CFHR4: variants seen among roughly 807,000 people sequenced by gnomAD.
CFHR4 encodes complement factor H related 4.
A neutral mutation model predicts 69.3 loss-of-function variants in CFHR4; 64 were observed. That is an observed-to-expected ratio of 0.92 (90% confidence interval 0.76 to 1.14). The LOEUF is 1.14. Among genes scored for constraint, CFHR4 ranks in the 50% most tolerant of loss-of-function variants. The pLI is 0.00. For synonymous variants in CFHR4, 244 were observed against 237.0 expected (o/e 1.03, Z -0.27); for missense variants, 636 against 684.9 (o/e 0.93, Z 0.80).
In CFHR4 at chr1:196,914,492, C is replaced by G; in HGVS notation, c.1181-3C>G. 1 of 1,603,476 alleles carries G rather than the reference C, an allele frequency of 6.2e-7. No individual in the cohort carries two copies. The highest frequency in any genetic ancestry group is 8.5e-7 in the Non-Finnish European group (1 of 1,175,416). ...AGCAATCCTCAATTTTATTTTGTTTCAGAATTTTGTGATATGCCTGTTTTT... is the reference window on the plus strand; with the variant it reads ...AGCAATCCTCAATTTTATTTTGTTTGAGAATTTTGTGATATGCCTGTTTTT... On this transcript the variant is annotated splice_region_variant and splice_polypyrimidine_tract_variant and intron_variant, in intron 7 of 9. Transcript: ENST00000608469.
In CFHR4 at chr1:196,899,289, A is replaced by G. The variant is rs147637067; in HGVS notation, c.59-3129A>G. On this transcript the variant is annotated intron_variant, in intron 1 of 9. Transcript: ENST00000608469. Reference sequence around the variant, plus strand: ...CTTAAAGTGGATAGTCCATGACAGAAAAATGTTCTTTCCTCTTCTTTTTAA... The same window carrying G: ...CTTAAAGTGGATAGTCCATGACAGAGAAATGTTCTTTCCTCTTCTTTTTAA... 3.6e-3 allele frequency among the ~76,000 whole-genome samples: 541 copies of G among 151,456 alleles called. 19 individuals carry two copies. The highest frequency in any genetic ancestry group is 0.013 in the African/African-American group (518 of 41,094).
At chr1:196,903,002 C>T (rs763139536) in intron 2 of CFHR4, among the ~76,000 whole-genome samples, 5 of 151,280 alleles carry the variant, frequency 3.3e-5, no homozygotes, top group African/African-American at 9.8e-5. Context: ...TGATCAAATT[C>T]ATGTCTCTAA....
chr1:196,893,065 C>A lies in CFHR4; in HGVS notation c.58+4857C>A, dbSNP rs78389064. Among the ~76,000 whole-genome samples the A allele has an allele frequency of 3.2e-3, 485 of 151,750 alleles. 24 individuals are homozygous for A. The highest frequency in any genetic ancestry group is 0.011 in the African/African-American group (474 of 41,252). ...TTCAGTGTCAACAAATTAATCTCCA[C>A]TGCGTGGTTCACCCACCAAATAGCA... is the stretch of plus-strand genomic sequence containing the variant. On this transcript the variant is annotated intron_variant, in intron 1 of 9. Coordinates refer to ENST00000608469, the MANE Select transcript of CFHR4 (RefSeq NM_001201550.3).
At chr1:196,888,933 A>G (rs1656877362) in intron 1 of CFHR4, among the ~76,000 whole-genome samples, 1 of 151,226 alleles carries the variant, frequency 6.6e-6, no homozygotes, top group Non-Finnish European at 1.5e-5. Context: ...ATAGTCATGT[A>G]TTTTCTATAT....
chr1:196,905,536 G>A (rs1176772733), intron 3 of CFHR4, among the ~76,000 whole-genome samples: 1 of 151,358 alleles, frequency 6.6e-6, no homozygotes, highest in Non-Finnish European at 1.5e-5. Context: ...AATCCCATCA[G>A]GTACAGACTA....
intron 1 of CFHR4, among the ~76,000 whole-genome samples, chr1:196,888,917 T>C (rs1656876027): frequency 6.6e-6 from 1 of 151,434 alleles, no homozygotes. Flanking sequence ...ATATGTTTTC[T>C]CCTCGATAGT....
chr1:196,905,644 T>A (rs1227101269), intron 3 of CFHR4, among the ~76,000 whole-genome samples: 2 of 151,484 alleles, frequency 1.3e-5, no homozygotes, highest in African/African-American at 4.9e-5. Context: ...ATCAACTGCT[T>A]GTATTGTATT....
chr1:196,917,784 A>G (rs187472129), intron 9 of CFHR4, among the ~76,000 whole-genome samples: 2 of 151,828 alleles, frequency 1.3e-5, no homozygotes, highest in African/African-American at 4.8e-5. Context: ...AAATATAAAC[A>G]TAGAATTAAA....
At chr1:196,899,587 T>G (rs1657488974) in intron 1 of CFHR4, among the ~76,000 whole-genome samples, 1 of 151,574 alleles carries the variant, frequency 6.6e-6, no homozygotes. Flanking sequence ...CAAACCCAGA[T>G]GAATTGTCAA....
At position 196,910,277 on chromosome 1, in the gene CFHR4, C is replaced by T; in HGVS notation, c.800-4C>T. 1.3e-6 allele frequency: 2 copies of T among 1,553,520 alleles called. No individual in the cohort carries two copies. Among genetic ancestry groups the T allele is most frequent in the Non-Finnish European group, 1.7e-6 (2 of 1,144,326 alleles). On this transcript the variant is annotated splice_polypyrimidine_tract_variant and splice_region_variant and intron_variant, in intron 5 of 9. Coordinates refer to ENST00000608469, the MANE Select transcript of CFHR4 (RefSeq NM_001201550.3). ...TTTATACTATTTTTGTTTTTTGTTA[C>T]AAGCAATGAAACCTTGTGAGTTTCC...
At chr1:196,900,499 G>A (rs1170032784) in intron 1 of CFHR4, among the ~76,000 whole-genome samples, 1 of 151,158 alleles carries the variant, frequency 6.6e-6, no homozygotes, top group Non-Finnish European at 1.5e-5. Context: ...AGCAGACTAT[G>A]TTATTTACAT....
Position 196,902,590 on chromosome 1 carries a change from T to G in CFHR4, c.231T>G (p.Gly77=), listed in dbSNP as rs759827628. Residue 77 remains glycine, a synonymous_variant, in exon 2 of 10, where the codon GGT becomes GGG. Coordinates refer to ENST00000608469, the MANE Select transcript of CFHR4 (RefSeq NM_001201550.3). ...ATTACATTCATTGCACACAAGATGGTTGGTCACCAACGGTCCCATGCCTCA... is the reference window on the plus strand; with the variant it reads ...ATTACATTCATTGCACACAAGATGGGTGGTCACCAACGGTCCCATGCCTCA... The part of the protein sequence containing the change: ...YWDYIHCTQD[G]WSPTVPCLRT... The G allele has an allele frequency of 6.2e-7, 1 of 1,612,160 alleles. No individual in the cohort carries two copies. Among genetic ancestry groups the G allele is most frequent in the Non-Finnish European group, 8.5e-7 (1 of 1,179,134 alleles).
intron 7 of CFHR4, among the ~76,000 whole-genome samples, chr1:196,914,115 A>G (rs1277650236): frequency 6.6e-6 from 1 of 151,412 alleles, no homozygotes; most frequent in Non-Finnish European, 1.5e-5. Flanking sequence ...AAATCGTTAC[A>G]TAACTACATA....
chr1:196,888,677 T>G lies in CFHR4; in HGVS notation c.58+469T>G, dbSNP rs1358015954. ...TAAATTATGCCATTTCTTATATTTC[T>G]ATTATACCTTAAGAAAGCTGCTACA... is the stretch of plus-strand genomic sequence containing the variant. On this transcript the variant is annotated intron_variant, in intron 1 of 9. Coordinates refer to ENST00000608469, the MANE Select transcript of CFHR4 (RefSeq NM_001201550.3). 1.3e-5 allele frequency among the ~76,000 whole-genome samples: 2 copies of G among 151,308 alleles called. 1 individual carries two copies. Among genetic ancestry groups the G allele is most frequent in the African/African-American group, 4.9e-5 (2 of 41,044 alleles).
chr1:196,898,608 G>GTATA (rs1414088122), intron 1 of CFHR4, among the ~76,000 whole-genome samples: 1 of 151,534 alleles, frequency 6.6e-6, no homozygotes, highest in Non-Finnish European at 1.5e-5. Context: ...CTAAAGCCTA[G>GTATA]TATATTAGTT....
chr1:196,895,206 C>A (rs1657231259), intron 1 of CFHR4, among the ~76,000 whole-genome samples: 1 of 151,502 alleles, frequency 6.6e-6, no homozygotes, highest in Non-Finnish European at 1.5e-5. Context: ...GCACTCCTCC[C>A]TGGGTGACAG....
chr1:196,904,794 G>A (rs1657819033), intron 2 of CFHR4, among the ~76,000 whole-genome samples: 1 of 151,582 alleles, frequency 6.6e-6, no homozygotes, highest in Non-Finnish European at 1.5e-5. Flanking sequence ...AAAGGTTCAG[G>A]TTATTGCAAA....
Position 196,903,097 on chromosome 1 carries a change from C to T in CFHR4, c.256+482C>T, listed in dbSNP as rs1008284762. Among the ~76,000 whole-genome samples the T allele has an allele frequency of 6.6e-5, 10 of 151,268 alleles. 1 individual carries two copies. The highest frequency in any genetic ancestry group is 2.6e-4 in the Admixed American group (4 of 15,168). Reference sequence around the variant, plus strand: ...GGATATAATAAAAAATATGGAAGAACGTATTTACAGCTGGTCTCCTCCTCC... The same window carrying T: ...GGATATAATAAAAAATATGGAAGAATGTATTTACAGCTGGTCTCCTCCTCC... On this transcript the variant is annotated intron_variant, in intron 2 of 9. Coordinates refer to ENST00000608469, the MANE Select transcript of CFHR4 (RefSeq NM_001201550.3).
At chr1:196,896,935 T>G (rs1171883784) in intron 1 of CFHR4, among the ~76,000 whole-genome samples, 1 of 151,528 alleles carries the variant, frequency 6.6e-6, no homozygotes, top group Non-Finnish European at 1.5e-5. Flanking sequence ...CTAGGGTACA[T>G]GTGCACAACG....
Sources: gnomAD v4.1 joint callset for allele counts (sites outside exome capture counted in the v4.1 genomes callset) on GRCh38, gnomAD v4.1.1 for gene constraint, MANE v1.5 for transcripts, NCBI Gene and HGNC (gene_info 2026-07-23, HGNC 2026-07-21) for gene names.